Variants in PIK3C2G observed in about 807,000 individuals in gnomAD.
PIK3C2G encodes the protein phosphatidylinositol-4-phosphate 3-kinase catalytic subunit type 2 gamma, also known as phosphatidylinositol 3-kinase C2 domain-containing subunit gamma.
In PIK3C2G, 168 loss-of-function variants were observed where a neutral mutation model predicts 181.1. The observed-to-expected ratio is 0.93, with a 90% confidence interval of 0.82 to 1.05. The LOEUF is 1.05. PIK3C2G is among the 50% of genes least tolerant of loss of function. PIK3C2G has a pLI of 0.00. For synonymous variants in PIK3C2G, 573 were observed against 592.2 expected, an observed-to-expected ratio of 0.97 and a Z score of 0.47; for missense variants, 1,869 against 1,732.8, an observed-to-expected ratio of 1.08 and a Z score of -1.40.
At chr12:18,601,593 A>ATGTTAATG (rs1947717488) in intron 30 of PIK3C2G, among the ~76,000 whole-genome samples, 1 of 152,160 alleles carries the variant, frequency 6.6e-6, no homozygotes, top group Non-Finnish European at 1.5e-5. Flanking sequence ...TAATCATAAT[A>ATGTTAATG]TGTTAATGAT....
intron 18 of PIK3C2G, among the ~76,000 whole-genome samples, chr12:18,464,382 T>C (rs1378138538): frequency 1.3e-5 from 2 of 152,008 alleles, no homozygotes; most frequent in African/African-American, 2.4e-5. Context: ...CTCAACACAA[T>C]TGCATTAAAC....
the PIK3C2G span, among the ~76,000 whole-genome samples, chr12:18,697,257 T>G: frequency 1.3e-4 from 20 of 152,130 alleles, no homozygotes; most frequent in Non-Finnish European, 4.4e-5. Flanking sequence ...ATACTATTAT[T>G]TAGGAAGCAT....
the PIK3C2G span, among the ~76,000 whole-genome samples, chr12:18,695,831 TA>T: frequency 6.6e-6 from 1 of 152,138 alleles, no homozygotes; most frequent in Non-Finnish European, 1.5e-5. Context: ...GCCTTGAGCA[TA>T]CCTCAAGCAA....
chr12:18,261,858 A>G (rs1160915863), intron 1 of PIK3C2G, among the ~76,000 whole-genome samples: 1 of 151,656 alleles, frequency 6.6e-6, no homozygotes, highest in Non-Finnish European at 1.5e-5. Context: ...CTCTCTCTCC[A>G]GCTAGCTGAC....
At chr12:18,463,214 A>C (rs1948016516) in intron 18 of PIK3C2G, among the ~76,000 whole-genome samples, 1 of 152,172 alleles carries the variant, frequency 6.6e-6, no homozygotes, top group Admixed American at 6.6e-5. Flanking sequence ...ACGTACCAAA[A>C]TTTTATAACA....
Position 18,391,223 on chromosome 12 carries a change from C to T in PIK3C2G, c.2097C>T (p.Ala699=), listed in dbSNP as rs761925230. The change falls in exon 15 of 33, where the codon GCC becomes GCT. Residue 699 remains alanine, a synonymous_variant. Coordinates refer to ENST00000538779, the MANE Select transcript of PIK3C2G (RefSeq NM_001288772.2). The part of the protein sequence containing the change: ...EPLKECIKHI[A]RLSQKQTPLL... ...TAAAGGAGTGTATAAAACATATTGCCAGACTTTCACAGAAACAGACTCCCC... is the reference window on the plus strand; with the variant it reads ...TAAAGGAGTGTATAAAACATATTGCTAGACTTTCACAGAAACAGACTCCCC... 1.3e-6 allele frequency: 2 copies of T among 1,595,474 alleles called. No homozygotes were observed. The highest frequency in any genetic ancestry group is 1.7e-6 in the Non-Finnish European group (2 of 1,171,292).
chr12:18,323,329 G>A (rs897452434), intron 7 of PIK3C2G, among the ~76,000 whole-genome samples: 3 of 152,158 alleles, frequency 2.0e-5, no homozygotes, highest in Non-Finnish European at 4.4e-5. Context: ...ACAGTCTGGG[G>A]TGATGCCATC....
intron 12 of PIK3C2G, among the ~76,000 whole-genome samples, chr12:18,370,298 T>C (rs894890449): frequency 2.6e-5 from 4 of 152,158 alleles, no homozygotes; most frequent in African/African-American, 9.7e-5. Context: ...ATATTGATGA[T>C]TTCAACCCAA....
At chr12:18,304,757 G>A (rs1950349606) in intron 5 of PIK3C2G, among the ~76,000 whole-genome samples, 1 of 152,174 alleles carries the variant, frequency 6.6e-6, no homozygotes, top group South Asian at 2.1e-4. Flanking sequence ...TTTCTTCTCA[G>A]TGAAGTTAAG....
intron 31 of PIK3C2G, among the ~76,000 whole-genome samples, chr12:18,634,125 C>T (rs1949483961): frequency 6.6e-6 from 1 of 152,162 alleles, no homozygotes; most frequent in African/African-American, 2.4e-5. Context: ...GCCATTTCAT[C>T]GTTCTGTAGA....
At chr12:18,388,910 C>T (rs550999931) in intron 14 of PIK3C2G, among the ~76,000 whole-genome samples, 1 of 151,916 alleles carries the variant, frequency 6.6e-6, no homozygotes, top group Non-Finnish European at 1.5e-5. Context: ...CTATCCCCCC[C>T]AAAAAAACAT....
chr12:18,310,190 A>T lies in PIK3C2G; in HGVS notation c.1035-3772A>T, dbSNP rs138337208. Reference sequence around the variant, plus strand: ...TCCATTCAAGTTTTTCTTTGACTCTAAGAATTTGCTACACATTTAAGAAAG... The same window carrying T: ...TCCATTCAAGTTTTTCTTTGACTCTTAGAATTTGCTACACATTTAAGAAAG... On this transcript the variant is annotated intron_variant, in intron 5 of 32. Transcript: ENST00000538779. 4.6e-3 allele frequency among the ~76,000 whole-genome samples: 700 copies of T among 151,978 alleles called. 4 individuals carry two copies. The highest frequency in any genetic ancestry group is 0.016 in the African/African-American group (666 of 41,530).
intron 18 of PIK3C2G, among the ~76,000 whole-genome samples, chr12:18,457,236 T>C (rs1947677876): frequency 6.6e-6 from 1 of 152,172 alleles, no homozygotes; most frequent in South Asian, 2.1e-4. Flanking sequence ...ATAAAATTGA[T>C]GTTCGCAGAG....
At chr12:18,636,809 C>T (rs903619880) in intron 31 of PIK3C2G, among the ~76,000 whole-genome samples, 1 of 152,082 alleles carries the variant, frequency 6.6e-6, no homozygotes, top group Admixed American at 6.6e-5. Flanking sequence ...TCTCTGAAAT[C>T]CCCCCAGTGA....
At chr12:18,550,659 T>A (rs1048227863) in intron 26 of PIK3C2G, among the ~76,000 whole-genome samples, 5 of 152,090 alleles carry the variant, frequency 3.3e-5, no homozygotes, top group African/African-American at 1.2e-4. Flanking sequence ...TTTAAACTCC[T>A]TGTTCTTTTT....
At chr12:18,390,658 T>C (rs1033552360) in intron 14 of PIK3C2G, among the ~76,000 whole-genome samples, 3 of 152,132 alleles carry the variant, frequency 2.0e-5, no homozygotes, top group Admixed American at 6.5e-5. Flanking sequence ...ATTCTCAGAC[T>C]TGCAAATTTC....
intron 30 of PIK3C2G, among the ~76,000 whole-genome samples, chr12:18,607,354 A>G (rs977845198): frequency 2.0e-5 from 3 of 152,192 alleles, no homozygotes; most frequent in Non-Finnish European, 4.4e-5. Context: ...AAACAGAGAT[A>G]TAGATCAATG....
rs1441050379 is a variant in PIK3C2G, at chr12:18,304,549, G to A, written c.1035-9413G>A. On this transcript the variant is annotated intron_variant, in intron 5 of 32. Transcript: ENST00000538779. ...TGGGATTACAGGCGTGAGCTACCTC[G>A]CCCGGCCCAATTTATATTAATTTGT... Among the ~76,000 whole-genome samples, 6 of 152,226 alleles carry A rather than the reference G, an allele frequency of 3.9e-5. No homozygotes were observed. The East Asian group carries it at 9.6e-4, about 24-fold the overall frequency.
chr12:18,459,106 A>T (rs1232101623), intron 18 of PIK3C2G, among the ~76,000 whole-genome samples: 1 of 152,166 alleles, frequency 6.6e-6, no homozygotes, highest in Non-Finnish European at 1.5e-5. Flanking sequence ...CCACTAATGA[A>T]GACTGTCAGC....
Sources: allele counts gnomAD v4.1 joint callset (sites outside exome capture counted in the v4.1 genomes callset), GRCh38; gene constraint gnomAD v4.1.1; transcripts MANE v1.5; gene names NCBI Gene and HGNC (gene_info 2026-07-23, HGNC 2026-07-21).